MACROD2: variants seen among roughly 807,000 people sequenced by gnomAD.
The protein encoded by MACROD2 is mono-ADP ribosylhydrolase 2, also known as ADP-ribose glycohydrolase MACROD2.
In MACROD2, 36 loss-of-function variants were observed where a neutral mutation model predicts 70.4. The ratio of observed to expected loss-of-function variants is 0.51; its 90% CI spans 0.39 to 0.68. The LOEUF (loss-of-function observed/expected upper bound fraction) is 0.68, where lower values mean the gene tolerates loss of function less well. MACROD2 is among the 30% of genes least tolerant of loss of function. MACROD2 has a pLI of 0.00. For synonymous variants in MACROD2, 172 were observed against 178.8 expected, an observed-to-expected ratio of 0.96 and a Z score of 0.30; for missense variants, 496 against 538.4, an observed-to-expected ratio of 0.92 and a Z score of 0.78.
intron 3 of MACROD2, among the ~76,000 whole-genome samples, chr20:14,293,640 C>A (rs1203448441): frequency 6.6e-6 from 1 of 151,806 alleles, no homozygotes; most frequent in Non-Finnish European, 1.5e-5. Context: ...CCCACTAGAC[C>A]ACTGTAAAGA....
At chr20:15,141,473 T>TG (rs2076192145) in intron 5 of MACROD2, among the ~76,000 whole-genome samples, 1 of 152,188 alleles carries the variant, frequency 6.6e-6, no homozygotes. Context: ...TCTGGCTCCA[T>TG]AACTGTCCTT....
intron 10 of MACROD2, chr20:15,894,036 T>A (rs2064931245): frequency 2.4e-6 from 1 of 423,322 alleles, no homozygotes; most frequent in Non-Finnish European, 4.7e-6. Context: ...CTGCAAGTAG[T>A]TTGGCAAGAA....
intron 5 of MACROD2, among the ~76,000 whole-genome samples, chr20:14,899,539 T>TTGTATG (rs2073871376): frequency 6.6e-6 from 1 of 152,160 alleles, no homozygotes; most frequent in Non-Finnish European, 1.5e-5. Context: ...GGGGGTCTCT[T>TTGTATG]TGTATGTGCC....
intron 8 of MACROD2, among the ~76,000 whole-genome samples, chr20:15,505,812 T>C (rs887191904): frequency 5.3e-5 from 8 of 152,204 alleles, no homozygotes; most frequent in Non-Finnish European, 7.3e-5. Context: ...TTCTTTTATA[T>C]AGGAGGAAGG....
At chr20:14,866,341 A>G (rs1228758137) in intron 5 of MACROD2, among the ~76,000 whole-genome samples, 1 of 152,070 alleles carries the variant, frequency 6.6e-6, no homozygotes, top group African/African-American at 2.4e-5. Flanking sequence ...TAGTTAATTG[A>G]TCACATCCAA....
intron 3 of MACROD2, among the ~76,000 whole-genome samples, chr20:14,394,681 G>T (rs978571662): frequency 6.6e-6 from 1 of 152,174 alleles, no homozygotes; most frequent in African/African-American, 2.4e-5. Flanking sequence ...AATCTCAGGG[G>T]TAAAGCTTTC....
intron 3 of MACROD2, among the ~76,000 whole-genome samples, chr20:14,278,538 A>T (rs77304142): frequency 6.6e-6 from 1 of 152,198 alleles, no homozygotes; most frequent in Non-Finnish European, 1.5e-5. Flanking sequence ...TTTTTCAGCA[A>T]TATTTTTTCT....
At chr20:15,527,965 T>C (rs998097530) in intron 8 of MACROD2, among the ~76,000 whole-genome samples, 9 of 152,210 alleles carry the variant, frequency 5.9e-5, no homozygotes, top group African/African-American at 2.2e-4. Context: ...AAAGCAAGTA[T>C]TATAAAGACA....
rs374521511 is a variant in MACROD2 at position 15,787,590 on chromosome 20, G to A, written c.646-75155G>A. On this transcript the variant is annotated intron_variant, in intron 8 of 17. Coordinates refer to ENST00000684519, the MANE Select transcript of MACROD2 (RefSeq NM_001351661.2). The stretch of plus-strand genomic sequence containing the variant: ...TTGGTTTTCTGTGTTAATTTGCTTA[G>A]GGTAATGGCCTCCAGCTGCATCCAT... 4.6e-5 allele frequency among the ~76,000 whole-genome samples: 7 copies of A among 152,180 alleles called. No individual in the cohort carries two copies. The East Asian group carries it at 1.2e-3, about 25-fold the overall frequency.
intron 3 of MACROD2, among the ~76,000 whole-genome samples, chr20:14,142,571 C>T (rs1185733649): frequency 1.4e-4 from 22 of 152,114 alleles, no homozygotes; most frequent in Non-Finnish European, 8.8e-5. Flanking sequence ...TATGAAGCTG[C>T]CACCACACTT....
intron 4 of MACROD2, among the ~76,000 whole-genome samples, chr20:14,617,755 A>T (rs991868866): frequency 3.3e-5 from 5 of 152,128 alleles, no homozygotes; most frequent in Non-Finnish European, 5.9e-5. Flanking sequence ...TCAAGACACT[A>T]TGAGACTCTG....
chr20:14,614,816 C>T (rs16994741), intron 4 of MACROD2, among the ~76,000 whole-genome samples: 17,017 of 152,102 alleles, frequency 0.11, 1,376 homozygotes, highest in South Asian at 0.33. Context: ...TTTGAAAATG[C>T]AATCCCTGTT....
chr20:14,065,489 G>A (rs1298125593), intron 2 of MACROD2, among the ~76,000 whole-genome samples: 3 of 152,120 alleles, frequency 2.0e-5, no homozygotes, highest in Admixed American at 1.3e-4. Flanking sequence ...GTATGTATAG[G>A]GTATTGTGCT....
intron 5 of MACROD2, among the ~76,000 whole-genome samples, chr20:14,959,378 C>T (rs2074564082): frequency 1.3e-5 from 2 of 152,172 alleles, no homozygotes; most frequent in South Asian, 4.1e-4. Context: ...GATCCACCCA[C>T]CTCAGCCCCA....
intron 3 of MACROD2, among the ~76,000 whole-genome samples, chr20:14,154,647 C>T (rs1464099857): frequency 6.7e-5 from 10 of 149,794 alleles, no homozygotes; most frequent in Non-Finnish European, 4.4e-5. Flanking sequence ...CTCTTGACCT[C>T]GTGATCCGCC....
At chr20:15,175,112 G>A (rs952947177) in intron 5 of MACROD2, among the ~76,000 whole-genome samples, 2 of 152,036 alleles carry the variant, frequency 1.3e-5, no homozygotes, top group African/African-American at 4.8e-5. Flanking sequence ...AAAATGATGA[G>A]TTCATGTCCT....
intron 5 of MACROD2, among the ~76,000 whole-genome samples, chr20:15,027,770 G>A (rs2075244818): frequency 6.6e-6 from 1 of 151,554 alleles, no homozygotes; most frequent in African/African-American, 2.4e-5. Context: ...CCCCTAATAT[G>A]TGTGGGTTTC....
chr20:15,928,935 T>A (rs895850881), intron 10 of MACROD2, among the ~76,000 whole-genome samples: 1 of 152,218 alleles, frequency 6.6e-6, no homozygotes, highest in Non-Finnish European at 1.5e-5. Flanking sequence ...GATTTTTTTA[T>A]AAAAGAGTGC....
At chr20:14,018,215 G>A (rs2053020666) in intron 2 of MACROD2, among the ~76,000 whole-genome samples, 1 of 151,032 alleles carries the variant, frequency 6.6e-6, no homozygotes, top group South Asian at 2.1e-4. Flanking sequence ...CAATATTGTT[G>A]ATCTTTTTAA....
Sources: gnomAD v4.1 joint callset for allele counts (sites outside exome capture counted in the v4.1 genomes callset) on GRCh38, gnomAD v4.1.1 for gene constraint, MANE v1.5 for transcripts, NCBI Gene and HGNC (gene_info 2026-07-23, HGNC 2026-07-21) for gene names.